The following OSBPL8 variants were observed in gnomAD, a reference collection of about 807,000 sequenced individuals.
OSBPL8 encodes the protein oxysterol binding protein like 8.
In OSBPL8, 59 loss-of-function variants were observed where a neutral mutation model predicts 125.5. The observed-to-expected ratio is 0.47, with a 90% CI of 0.38 to 0.58. OSBPL8 has a LOEUF of 0.58. Among genes scored for constraint, OSBPL8 ranks in the 20% least tolerant of loss-of-function variants. OSBPL8 has a pLI of 0.00. For missense variants in OSBPL8, 758 were observed against 1,047.8 expected (o/e 0.72, Z 3.82); for synonymous variants, 330 against 338.9 (o/e 0.97, Z 0.29).
Position 76,384,253 on chromosome 12 carries a change from C to A in OSBPL8, c.1630+1G>T. ...GTGCAAGTTGGGACGGGAAAACTCA[C>A]CATAAAACTTAGACTTAGCCAGGAT... On this transcript the variant is annotated splice_donor_variant, in intron 15 of 23. Coordinates refer to ENST00000261183, the MANE Select transcript of OSBPL8 (RefSeq NM_020841.5). LOFTEE classifies it high-confidence loss of function. 1 of 1,493,504 alleles carries A rather than the reference C, an allele frequency of 6.7e-7. No individual in the cohort carries two copies. The highest frequency in any genetic ancestry group is 9.1e-7 in the Non-Finnish European group (1 of 1,097,976). The allele number at this position is 1,493,504 out of a possible 1,614,324, so 92.5% of individuals were successfully genotyped here. A position where few individuals can be genotyped will look rare whatever the true frequency, so the allele number is the denominator to read the frequency against.
Position 76,508,942 on chromosome 12 carries a change from C to T in OSBPL8, c.-67-21324G>A, listed in dbSNP as rs534300803. Reference sequence around the variant, plus strand: ...TAGATGAGCAGCCCATGCTGCTGCTCTGCCTATGGAGTAGACATTCTTTAT... The same window carrying T: ...TAGATGAGCAGCCCATGCTGCTGCTTTGCCTATGGAGTAGACATTCTTTAT... On this transcript the variant is annotated intron_variant, in intron 1 of 23. Transcript: ENST00000261183. Among the ~76,000 whole-genome samples the T allele has an allele frequency of 3.3e-5, 5 of 152,324 alleles. No individual in the cohort carries two copies. In the East Asian group the frequency reaches 9.7e-4, roughly 29 times the overall value.
intron 3 of OSBPL8, among the ~76,000 whole-genome samples, chr12:76,451,975 C>T (rs1873469701): frequency 6.6e-6 from 1 of 152,004 alleles, no homozygotes; most frequent in African/African-American, 2.4e-5. Context: ...AAAAATTAGG[C>T]AGACGTGTTG....
chr12:76,539,384 ATAT>A (rs1372499221), intron 1 of OSBPL8, among the ~76,000 whole-genome samples: 1 of 152,178 alleles, frequency 6.6e-6, no homozygotes, highest in African/African-American at 2.4e-5. Context: ...TAACAAGAAA[ATAT>A]TAGAAAAATA....
chr12:76,539,903 T>C (rs1236563934), intron 1 of OSBPL8, among the ~76,000 whole-genome samples: 1 of 152,130 alleles, frequency 6.6e-6, no homozygotes, highest in Non-Finnish European at 1.5e-5. Context: ...CCACATCCCC[T>C]AAAAAAGTAG....
intron 1 of OSBPL8, among the ~76,000 whole-genome samples, chr12:76,531,250 C>G (rs542591941): frequency 9.3e-4 from 141 of 152,186 alleles, no homozygotes; most frequent in Admixed American, 1.9e-3. Context: ...CCTTTTATCA[C>G]TCACTTAGCA....
intron 1 of OSBPL8, among the ~76,000 whole-genome samples, chr12:76,514,192 C>T (rs544879746): frequency 3.9e-5 from 6 of 152,016 alleles, no homozygotes; most frequent in Admixed American, 6.6e-5. Context: ...TCACCCAGGC[C>T]GGGCTGCAGT....
chr12:76,516,129 T>C (rs1255904766), intron 1 of OSBPL8, among the ~76,000 whole-genome samples: 1 of 152,168 alleles, frequency 6.6e-6, no homozygotes, highest in East Asian at 1.9e-4. Flanking sequence ...AGTTCAGGAT[T>C]GCCACCCCAA....
chr12:76,546,278 T>A (rs1360379650), intron 1 of OSBPL8, among the ~76,000 whole-genome samples: 5 of 152,204 alleles, frequency 3.3e-5, no homozygotes. Context: ...AAACAAAATC[T>A]TGCTAGTTAA....
intron 4 of OSBPL8, among the ~76,000 whole-genome samples, chr12:76,420,627 A>G (rs948542035): frequency 2.6e-5 from 4 of 152,104 alleles, no homozygotes; most frequent in African/African-American, 9.6e-5. Flanking sequence ...GCAGTAAGAA[A>G]AAGTTATCTT....
intron 4 of OSBPL8, among the ~76,000 whole-genome samples, chr12:76,433,062 T>C (rs535943024): frequency 3.3e-5 from 5 of 152,282 alleles, no homozygotes; most frequent in African/African-American, 1.2e-4. Context: ...AAAATAGGTA[T>C]AGAAGAAACT....
intron 1 of OSBPL8, among the ~76,000 whole-genome samples, chr12:76,547,516 C>T (rs545523100): frequency 1.3e-5 from 2 of 152,106 alleles, no homozygotes. Flanking sequence ...TTCCAATGAA[C>T]TTGCCAGGCA....
At chr12:76,406,911 C>T (rs969156657) in intron 5 of OSBPL8, among the ~76,000 whole-genome samples, 1 of 152,156 alleles carries the variant, frequency 6.6e-6, no homozygotes, top group Non-Finnish European at 1.5e-5. Flanking sequence ...CTGTGCCCAG[C>T]TCCTTTATTT....
chr12:76,558,063 C>T (rs1475950573), intron 1 of OSBPL8, among the ~76,000 whole-genome samples: 3 of 152,086 alleles, frequency 2.0e-5, no homozygotes, highest in African/African-American at 7.2e-5. Flanking sequence ...GCTTAAGTTT[C>T]ATCTATTTCC....
chr12:76,535,388 AT>A (rs1277543105), intron 1 of OSBPL8, among the ~76,000 whole-genome samples: 4 of 152,210 alleles, frequency 2.6e-5, no homozygotes, highest in Non-Finnish European at 5.9e-5. Context: ...CGAAACGCAA[AT>A]GAAAAACCAC....
intron 3 of OSBPL8, among the ~76,000 whole-genome samples, chr12:76,451,796 T>C (rs1212129114): frequency 1.3e-5 from 2 of 152,158 alleles, no homozygotes; most frequent in Non-Finnish European, 2.9e-5. Flanking sequence ...GATCTCCACA[T>C]TCTTTCATTT....
intron 12 of OSBPL8, among the ~76,000 whole-genome samples, chr12:76,387,124 A>T (rs938726667): frequency 6.6e-6 from 1 of 152,200 alleles, no homozygotes; most frequent in African/African-American, 2.4e-5. Flanking sequence ...TGAAGGACCA[A>T]TATTTACTTG....
chr12:76,444,021 A>G (rs1031418049), intron 4 of OSBPL8, among the ~76,000 whole-genome samples: 1 of 152,148 alleles, frequency 6.6e-6, no homozygotes, highest in African/African-American at 2.4e-5. Context: ...ATAACAAACA[A>G]AAATGTATTT....
chr12:76,418,015 T>TG (rs1447599803), intron 4 of OSBPL8, among the ~76,000 whole-genome samples: 1 of 148,516 alleles, frequency 6.7e-6, no homozygotes, highest in East Asian at 1.9e-4. Flanking sequence ...ACTACCTTTT[T>TG]TTTTTTTTTT....
At chr12:76,504,349 T>C (rs936298278) in intron 1 of OSBPL8, among the ~76,000 whole-genome samples, 1 of 152,206 alleles carries the variant, frequency 6.6e-6, no homozygotes, top group Non-Finnish European at 1.5e-5. Context: ...AATAAATTTA[T>C]TTTATCATTC....
Sources: gnomAD v4.1 joint callset for allele counts (sites outside exome capture counted in the v4.1 genomes callset) on GRCh38, gnomAD v4.1.1 for gene constraint, MANE v1.5 for transcripts, NCBI Gene and HGNC (gene_info 2026-07-23, HGNC 2026-07-21) for gene names.